DYNC1I1: variants seen among roughly 807,000 people sequenced by gnomAD.
DYNC1I1 encodes the protein cytoplasmic dynein 1 intermediate chain 1.
In DYNC1I1, 43 loss-of-function variants were observed where a neutral mutation model predicts 86.6. The observed-to-expected ratio is 0.50, with a 90% CI of 0.39 to 0.64. The LOEUF (loss-of-function observed/expected upper bound fraction) is 0.64. Among genes scored for constraint, DYNC1I1 ranks in the 30% least tolerant of loss-of-function variants. The pLI, the probability that DYNC1I1 is intolerant of heterozygous loss-of-function variation, is 0.00. For missense variants in DYNC1I1, 604 were observed against 788.8 expected, an observed-to-expected ratio of 0.77 and a Z score of 2.81; for synonymous variants, 262 against 283.7, an observed-to-expected ratio of 0.92 and a Z score of 0.77.
chr7:95,951,689 G>A (rs1378019034), intron 6 of DYNC1I1, among the ~76,000 whole-genome samples: 1 of 152,100 alleles, frequency 6.6e-6, no homozygotes, highest in Non-Finnish European at 1.5e-5. Context: ...ATGACACGAC[G>A]GTATCACCAT....
At chr7:95,900,146 G>A (rs1790999598) in intron 6 of DYNC1I1, among the ~76,000 whole-genome samples, 1 of 152,156 alleles carries the variant, frequency 6.6e-6, no homozygotes, top group Admixed American at 6.5e-5. Flanking sequence ...GGATAGTGAG[G>A]TCCATCCTAC....
At chr7:96,028,644 G>A (rs1252919136) in intron 11 of DYNC1I1, among the ~76,000 whole-genome samples, 1 of 152,168 alleles carries the variant, frequency 6.6e-6, no homozygotes, top group African/African-American at 2.4e-5. Context: ...TACATTATAA[G>A]GTGGAAACAC....
At chr7:95,985,209 G>A (rs17167270) in intron 8 of DYNC1I1, among the ~76,000 whole-genome samples, 25,113 of 151,956 alleles carry the variant, frequency 0.17, 2,204 homozygotes, top group Non-Finnish European at 0.17. Context: ...GGTATCTGGG[G>A]AACAGTCCAG....
chr7:95,972,585 G>T (rs1793203312), intron 6 of DYNC1I1, among the ~76,000 whole-genome samples: 2 of 152,116 alleles, frequency 1.3e-5, no homozygotes. Flanking sequence ...AAGGGGTTTT[G>T]CATTATACTG....
intron 5 of DYNC1I1, among the ~76,000 whole-genome samples, chr7:95,839,850 A>G (rs951211055): frequency 6.6e-6 from 1 of 151,274 alleles, no homozygotes; most frequent in African/African-American, 2.4e-5. Context: ...TGTATTCTTG[A>G]TTGGCAGGTT....
At chr7:95,817,334 C>T (rs1322222581) in intron 4 of DYNC1I1, among the ~76,000 whole-genome samples, 1 of 151,972 alleles carries the variant, frequency 6.6e-6, no homozygotes, top group Non-Finnish European at 1.5e-5. Context: ...TGTTGTTTTG[C>T]TACAGTGCTA....
chr7:95,869,786 T>G, intron 5 of DYNC1I1, 97 bp from the exon 6 acceptor site: 5 of 1,146,364 alleles, frequency 4.4e-6, no homozygotes, highest in Non-Finnish European at 5.1e-6. Flanking sequence ...CTGAGGGTAT[T>G]TGTGGTTTGT....
chr7:95,866,679 G>T (rs887464372), intron 5 of DYNC1I1, among the ~76,000 whole-genome samples: 1 of 152,200 alleles, frequency 6.6e-6, no homozygotes, highest in Non-Finnish European at 1.5e-5. Flanking sequence ...AGAAGCATTT[G>T]ATATAAATGC....
chr7:95,832,210 T>C (rs1190030822), intron 5 of DYNC1I1, among the ~76,000 whole-genome samples: 1 of 115,130 alleles, frequency 8.7e-6, no homozygotes, highest in African/African-American at 3.8e-5. Context: ...TGAGTGAGAA[T>C]ATGTGGTGTT....
intron 14 of DYNC1I1, among the ~76,000 whole-genome samples, chr7:96,048,153 G>T (rs1349032871): frequency 6.6e-6 from 1 of 152,100 alleles, no homozygotes; most frequent in Non-Finnish European, 1.5e-5. Flanking sequence ...ATGGGACAGG[G>T]CCCTGAACTG....
intron 6 of DYNC1I1, among the ~76,000 whole-genome samples, chr7:95,909,366 G>A (rs1791268646): frequency 6.6e-6 from 1 of 151,912 alleles, no homozygotes; most frequent in African/African-American, 2.4e-5. Context: ...GAAATTACAT[G>A]TAAAACAAAA....
intron 6 of DYNC1I1, among the ~76,000 whole-genome samples, chr7:95,932,547 C>T (rs1791925509): frequency 6.6e-6 from 1 of 152,178 alleles, no homozygotes; most frequent in Non-Finnish European, 1.5e-5. Context: ...GGGTATTTGT[C>T]AGCTTGACCC....
chr7:96,001,226 T>C (rs1383442994), intron 10 of DYNC1I1, among the ~76,000 whole-genome samples: 1 of 152,136 alleles, frequency 6.6e-6, no homozygotes, highest in Non-Finnish European at 1.5e-5. Flanking sequence ...GAATTATGGA[T>C]GCTGTGCAGT....
At chr7:95,795,579 C>T (rs768774521) in intron 1 of DYNC1I1, among the ~76,000 whole-genome samples, 72 of 152,128 alleles carry the variant, frequency 4.7e-4, no homozygotes, top group Non-Finnish European at 9.3e-4. Flanking sequence ...AGATCATGTC[C>T]TTTGCAGAAA....
chr7:95,906,300 C>T (rs1348557128), intron 6 of DYNC1I1, among the ~76,000 whole-genome samples: 1 of 152,128 alleles, frequency 6.6e-6, no homozygotes, highest in Admixed American at 6.6e-5. Context: ...CCTTGAGCTA[C>T]GGTTTCTGCA....
intron 10 of DYNC1I1, among the ~76,000 whole-genome samples, chr7:96,002,674 G>A (rs950877760): frequency 5.3e-5 from 8 of 152,114 alleles, no homozygotes; most frequent in African/African-American, 1.7e-4. Flanking sequence ...TCCCTCCTTA[G>A]TTGCTGAATG....
Position 96,028,384 on chromosome 7 carries a change from C to T in DYNC1I1, c.1116+63C>T, listed in dbSNP as rs917406662. 6 of 1,545,432 alleles carry T rather than the reference C, an allele frequency of 3.9e-6. No individual in the cohort carries two copies. In the Admixed American group the frequency reaches 9.3e-5, roughly 24 times the overall value. On this transcript the variant is annotated intron_variant, in intron 11 of 16. Coordinates refer to ENST00000447467, the MANE Select transcript of DYNC1I1 (RefSeq NM_001135556.2). Reference sequence around the variant, plus strand: ...GGCCCTGAAAGAGAAAATAACTCTACTCAAAAAAGTATGGATGTTTTCAGT... The same window carrying T: ...GGCCCTGAAAGAGAAAATAACTCTATTCAAAAAAGTATGGATGTTTTCAGT...
chr7:95,955,319 A>C (rs1245965144), intron 6 of DYNC1I1, among the ~76,000 whole-genome samples: 1 of 151,946 alleles, frequency 6.6e-6, no homozygotes, highest in Non-Finnish European at 1.5e-5. Flanking sequence ...ATTTTGATTT[A>C]TTTTATGAAT....
intron 9 of DYNC1I1, among the ~76,000 whole-genome samples, chr7:95,995,653 A>G (rs1793847578): frequency 6.6e-6 from 1 of 152,230 alleles, no homozygotes; most frequent in Admixed American, 6.5e-5. Context: ...AGAAAGATGT[A>G]ATGGAAGCCA....
Sources: gnomAD v4.1 joint callset for allele counts (sites outside exome capture counted in the v4.1 genomes callset) on GRCh38, gnomAD v4.1.1 for gene constraint, MANE v1.5 for transcripts, NCBI Gene and HGNC (gene_info 2026-07-23, HGNC 2026-07-21) for gene names.